The following TMEM132B variants were observed in gnomAD, a reference collection of about 807,000 sequenced individuals.
The protein encoded by TMEM132B is transmembrane protein 132B.
A neutral mutation model predicts 90.8 loss-of-function variants in TMEM132B; 18 were observed. The ratio of observed to expected loss-of-function variants is 0.20; its 90% CI spans 0.14 to 0.29. The LOEUF (loss-of-function observed/expected upper bound fraction) is 0.29. Among genes scored for constraint, TMEM132B ranks in the 10% least tolerant of loss-of-function variants. TMEM132B has a pLI of 1.00. For synonymous variants in TMEM132B, 504 were observed against 523.3 expected (o/e 0.96, Z 0.50); for missense variants, 1,096 against 1,326.8 (o/e 0.83, Z 2.70).
intron 2 of TMEM132B, among the ~76,000 whole-genome samples, chr12:125,360,037 C>A (rs1877910610): frequency 6.6e-6 from 1 of 152,188 alleles, no homozygotes; most frequent in Non-Finnish European, 1.5e-5. Flanking sequence ...GAGATCGTGC[C>A]ACTGTACACC....
At chr12:125,568,277 A>G (rs1034801973) in intron 4 of TMEM132B, among the ~76,000 whole-genome samples, 5 of 152,078 alleles carry the variant, frequency 3.3e-5, no homozygotes, top group South Asian at 2.1e-4. Context: ...CATAGTAGGC[A>G]TATATATTTA....
At chr12:125,253,350 G>GTAA (rs1328738801) in intron 1 of TMEM132B, among the ~76,000 whole-genome samples, 2 of 151,882 alleles carry the variant, frequency 1.3e-5, no homozygotes, top group Non-Finnish European at 2.9e-5. Flanking sequence ...TAATGAAACA[G>GTAA]TAATAATAAT....
chr12:125,368,370 A>G (rs1273571055), intron 2 of TMEM132B, among the ~76,000 whole-genome samples: 1 of 152,176 alleles, frequency 6.6e-6, no homozygotes, highest in Admixed American at 6.5e-5. Context: ...GTTCACTTTA[A>G]TTACATAATT....
chr12:125,287,782 A>G (rs1565993520), intron 1 of TMEM132B, among the ~76,000 whole-genome samples: 1 of 152,204 alleles, frequency 6.6e-6, no homozygotes, highest in Non-Finnish European at 1.5e-5. Context: ...ACTAGGGAAC[A>G]CACTACTTAC....
chr12:125,450,004 G>A (rs933035383), intron 3 of TMEM132B, among the ~76,000 whole-genome samples: 5 of 152,104 alleles, frequency 3.3e-5, no homozygotes, highest in African/African-American at 7.2e-5. Context: ...TCAAAACTGT[G>A]TATTCACATT....
intron 1 of TMEM132B, among the ~76,000 whole-genome samples, chr12:125,256,464 C>T (rs1018273177): frequency 2.6e-5 from 4 of 152,090 alleles, no homozygotes; most frequent in South Asian, 2.1e-4. Flanking sequence ...GGGTCAAATC[C>T]GGTCCCCAGC....
chr12:125,565,101 TAC>T (rs1385368527), intron 4 of TMEM132B, among the ~76,000 whole-genome samples: 2 of 152,194 alleles, frequency 1.3e-5, no homozygotes, highest in Non-Finnish European at 2.9e-5. Context: ...GAGGCATGGG[TAC>T]AGTTGTGATC....
intron 1 of TMEM132B, among the ~76,000 whole-genome samples, chr12:125,309,531 C>T (rs1876074216): frequency 1.3e-5 from 2 of 151,966 alleles, no homozygotes; most frequent in South Asian, 4.2e-4. Flanking sequence ...GCAGGGAAAA[C>T]TCAGATGTGG....
chr12:125,641,106 ACACAGTG>A (rs982472150), intron 5 of TMEM132B, among the ~76,000 whole-genome samples: 4 of 152,190 alleles, frequency 2.6e-5, no homozygotes, highest in African/African-American at 7.2e-5. Flanking sequence ...GAAGCTTCCC[ACACAGTG>A]CTCCACTGCC....
At chr12:125,273,411 A>C (rs1874900600) in intron 1 of TMEM132B, among the ~76,000 whole-genome samples, 1 of 152,058 alleles carries the variant, frequency 6.6e-6, no homozygotes, top group Non-Finnish European at 1.5e-5. Flanking sequence ...ACACAGTGAA[A>C]CCTCATCTGT....
At chr12:125,515,514 C>G (rs1883116666) in intron 3 of TMEM132B, among the ~76,000 whole-genome samples, 2 of 151,926 alleles carry the variant, frequency 1.3e-5, no homozygotes, top group South Asian at 4.2e-4. Flanking sequence ...CACATTCGCT[C>G]ACACCCCTTC....
chr12:125,578,947 G>T (rs77806706), intron 4 of TMEM132B, among the ~76,000 whole-genome samples: 2,881 of 152,184 alleles, frequency 0.019, 33 homozygotes, highest in Non-Finnish European at 0.03. Context: ...TCTATTTTGA[G>T]TTCGCTGAAC....
At chr12:125,599,607 G>T (rs1196386404) in intron 5 of TMEM132B, among the ~76,000 whole-genome samples, 5 of 152,162 alleles carry the variant, frequency 3.3e-5, no homozygotes, top group Non-Finnish European at 7.4e-5. Context: ...CTGTGGCAGG[G>T]ATTCAGGACA....
intron 2 of TMEM132B, among the ~76,000 whole-genome samples, chr12:125,367,152 T>G (rs1195845836): frequency 6.6e-6 from 1 of 152,196 alleles, no homozygotes; most frequent in African/African-American, 2.4e-5. Context: ...AACATCTGGG[T>G]CATCCTCAGG....
At chr12:125,264,874 T>G (rs1197036447) in intron 1 of TMEM132B, among the ~76,000 whole-genome samples, 1 of 152,220 alleles carries the variant, frequency 6.6e-6, no homozygotes, top group South Asian at 2.1e-4. Flanking sequence ...CGAAATTCAT[T>G]TATTTTTTGA....
chr12:125,354,177 C>A (rs1317072159), intron 2 of TMEM132B, among the ~76,000 whole-genome samples: 2 of 152,136 alleles, frequency 1.3e-5, no homozygotes, highest in African/African-American at 4.8e-5. Context: ...ATTCCCAAAT[C>A]TTTGTTTAAA....
At position 125,259,324 on chromosome 12, in the gene TMEM132B, C is replaced by T. The variant is rs373900952; in HGVS notation, c.67+72458C>T. Among the ~76,000 whole-genome samples, 6 of 152,322 alleles carry T rather than the reference C, an allele frequency of 3.9e-5. No homozygotes were observed. In the East Asian group the frequency reaches 7.7e-4, roughly 20 times the overall value. On this transcript the variant is annotated intron_variant, in intron 1 of 8. Coordinates refer to ENST00000682704, the MANE Select transcript of TMEM132B (RefSeq NM_001366854.1). ...GCATCTATAGGCATCCGATAAAATT[C>T]GTTGAATGAATGACTCATGCTTGAC... is the stretch of plus-strand genomic sequence containing the variant.
At chr12:125,244,389 G>C (rs186267480) in intron 1 of TMEM132B, among the ~76,000 whole-genome samples, 1 of 152,194 alleles carries the variant, frequency 6.6e-6, no homozygotes, top group African/African-American at 2.4e-5. Context: ...CCGCGCTATG[G>C]GGAGAGGATG....
At position 125,408,992 on chromosome 12, in the gene TMEM132B, C is replaced by CTAA. The variant is rs796493504; in HGVS notation, c.960-6525_960-6523dup. Among the ~76,000 whole-genome samples the CTAA allele has an allele frequency of 6.6e-6, 1 of 152,140 alleles. No individual in the cohort carries two copies. The highest frequency in any genetic ancestry group is 6.5e-5 in the Admixed American group (1 of 15,286). On this transcript the variant is annotated intron_variant, in intron 2 of 8. Coordinates refer to ENST00000682704, the MANE Select transcript of TMEM132B (RefSeq NM_001366854.1). This position sits in a 1 kb window ranked among gnomAD's most constrained non-coding sequence, Gnocchi z 5.9. ...TTAATAATAATAGTGATAATGATAA[C>CTAA]TAATAATAATAATAATTGAAAAGTC... is the stretch of plus-strand genomic sequence containing the variant.
Sources: gnomAD v4.1 joint callset for allele counts (sites outside exome capture counted in the v4.1 genomes callset) on GRCh38, gnomAD v4.1.1 for gene constraint, Gnocchi (gnomAD v3.1) non-coding constraint, MANE v1.5 for transcripts, NCBI Gene and HGNC (gene_info 2026-07-23, HGNC 2026-07-21) for gene names.